Variants in NRN1 observed in about 807,000 individuals in gnomAD.
NRN1 encodes neuritin.
A neutral mutation model predicts 15.0 loss-of-function variants in NRN1; 4 were observed. The observed-to-expected ratio is 0.27, with a 90% CI of 0.13 to 0.61. The LOEUF (loss-of-function observed/expected upper bound fraction) is 0.61. Ranked by LOEUF, NRN1 falls within the 20% of genes least tolerant of loss-of-function variation. The pLI, the probability that NRN1 is intolerant of heterozygous loss-of-function variation, is 0.87. For missense variants in NRN1, 134 were observed against 181.9 expected (o/e 0.74, Z 1.51); for synonymous variants, 85 against 79.8 (o/e 1.07, Z -0.35).
In NRN1 at chr6:6,006,684, C is replaced by A. The variant is rs748880067; in HGVS notation, c.55+11G>T. On this transcript the variant is annotated intron_variant, in intron 1 of 2. Coordinates refer to ENST00000244766, the MANE Select transcript of NRN1 (RefSeq NM_016588.3). ...GCCTCCAGCCTCCAGCCGGGCTGAG[C>A]GGCCACTTACCTATTTGCACCGCGA... 8.1e-6 allele frequency: 13 copies of A among 1,613,322 alleles called. No homozygotes were observed. Among genetic ancestry groups the A allele is most frequent in the South Asian group, 3.3e-5 (3 of 91,060 alleles).
rs55712329 is a variant in NRN1 at position 6,000,722 on chromosome 6, C to CTTTTTTT, written c.201-1525_201-1519dup. ...CCTGCTAAAGGATGCCTAAATTGCT[C>CTTTTTTT]TTTTTTTTTTTTTTTTTTTTTTTTT... On this transcript the variant is annotated intron_variant, in intron 2 of 2. Transcript: ENST00000244766. Among the ~76,000 whole-genome samples, 427 of 60,836 alleles carry CTTTTTTT rather than the reference C, an allele frequency of 7.0e-3. 82 individuals are homozygous for CTTTTTTT. The highest frequency in any genetic ancestry group is 0.027 in the African/African-American group (397 of 14,950). The allele number at this position is 60,836 out of a possible 152,430, so 39.9% of individuals were successfully genotyped here. A position where few individuals can be genotyped will look rare whatever the true frequency, so the allele number is the denominator to read the frequency against.
intron 1 of NRN1, among the ~76,000 whole-genome samples, chr6:6,006,167 G>T (rs1222717838): frequency 6.6e-6 from 1 of 152,156 alleles, no homozygotes; most frequent in Non-Finnish European, 1.5e-5. Flanking sequence ...CGGGTCTGCG[G>T]TGCCCGTGCA....
In NRN1 at chr6:6,006,783, C is replaced by A; in HGVS notation, c.-34G>T. ...TAGTCAAACCATTTGCGACCGCAGA[C>A]CTTTAAATAGTTAGTTTAGAGAACG... On this transcript the variant is annotated 5_prime_UTR_variant, in exon 1 of 3. Coordinates refer to ENST00000244766, the MANE Select transcript of NRN1 (RefSeq NM_016588.3). 1.2e-6 allele frequency: 2 copies of A among 1,608,464 alleles called. No homozygotes were observed. Among genetic ancestry groups the A allele is most frequent in the Non-Finnish European group, 8.5e-7 (1 of 1,174,870 alleles).
At chr6:6,003,534 G>A (rs184761461) in intron 1 of NRN1, among the ~76,000 whole-genome samples, 1 of 152,220 alleles carries the variant, frequency 6.6e-6, no homozygotes, top group South Asian at 2.1e-4. Context: ...GGGGCTCCTG[G>A]CCCCAGCTCA....
At chr6:5,999,419 G>A (rs573194404) in intron 2 of NRN1, among the ~76,000 whole-genome samples, 3 of 152,248 alleles carry the variant, frequency 2.0e-5, no homozygotes, top group Admixed American at 6.5e-5. Flanking sequence ...TAAAGCGGGG[G>A]TGGGGGGGCG....
At chr6:6,006,324 T>C (rs1758108338) in intron 1 of NRN1, among the ~76,000 whole-genome samples, 1 of 152,214 alleles carries the variant, frequency 6.6e-6, no homozygotes, top group Non-Finnish European at 1.5e-5. Flanking sequence ...TGCATTCACA[T>C]TTCGACTCTT....
Position 5,999,035 on chromosome 6 carries a change from C to G in NRN1, c.370G>C (p.Ala124Pro), listed in dbSNP as rs138983902. 7 of 1,613,770 alleles carry G rather than the reference C, an allele frequency of 4.3e-6. No homozygotes were observed. In the South Asian group the frequency reaches 7.7e-5, roughly 18 times the overall value. Residue 124 changes from alanine (A) to proline (P), a missense_variant, in exon 3 of 3, where the codon GCG becomes CCG. Ala to Pro is a conservative substitution (Grantham distance 27). Coordinates refer to ENST00000244766, the MANE Select transcript of NRN1 (RefSeq NM_016588.3). ...AGAGACACCAGGAGCACCGGGAACG[C>G]CGGGAGCAGGGACCCCGCCGCCCCG... ...GNGAAGSLLP[A>P]FPVLLVSLSA...
chr6:6,006,714 C>A lies in NRN1; in HGVS notation c.36G>T (p.Leu12=), dbSNP rs769925839. The A allele has an allele frequency of 3.7e-6, 6 of 1,614,012 alleles. No individual in the cohort carries two copies. The highest frequency in any genetic ancestry group is 5.1e-6 in the Non-Finnish European group (6 of 1,179,984). Residue 12 remains leucine (L), a synonymous_variant, in exon 1 of 3, where the codon CTG becomes CTT. Transcript: ENST00000244766. The part of the protein sequence containing the change: ...GLKLNGRYIS[L]ILAVQIAYLV... Reference sequence around the variant, plus strand: ...ACTTACCTATTTGCACCGCGAGGATCAGTGAAATATATCTGCCGTTCAACT... The same window carrying A: ...ACTTACCTATTTGCACCGCGAGGATAAGTGAAATATATCTGCCGTTCAACT...
Position 5,998,918 on chromosome 6 carries a change from G to T in NRN1, c.*58C>A. 6 of 1,269,342 alleles carry T rather than the reference G, an allele frequency of 4.7e-6. No homozygotes were observed. Among genetic ancestry groups the T allele is most frequent in the South Asian group, 1.3e-5 (1 of 79,660 alleles). The allele number at this position is 1,269,342 out of a possible 1,614,324, so 78.6% of individuals were successfully genotyped here. A position where few individuals can be genotyped will look rare whatever the true frequency, so the allele number is the denominator to read the frequency against. The stretch of plus-strand genomic sequence containing the variant: ...CAAAGAACTAATGGATCTTCCTCTC[G>T]ATTTCCGGGAGCATGGAGTGAGTGT... On this transcript the variant is annotated 3_prime_UTR_variant, in exon 3 of 3. Coordinates refer to ENST00000244766, the MANE Select transcript of NRN1 (RefSeq NM_016588.3).
intron 2 of NRN1, among the ~76,000 whole-genome samples, chr6:5,999,616 T>C (rs1169787226): frequency 1.3e-5 from 2 of 152,220 alleles, no homozygotes; most frequent in Admixed American, 1.3e-4. Flanking sequence ...CCTCTTAGCT[T>C]GCAAGATGGG....
chr6:6,007,027 G>T (rs544802356), upstream of NRN1: 1 of 462,720 alleles, frequency 2.2e-6, no homozygotes, highest in African/African-American at 2.0e-5. Flanking sequence ...ACAGCCTCAC[G>T]CCCACGAGCA....
chr6:6,002,983 G>A (rs1758000816), intron 1 of NRN1: 1 of 404,324 alleles, frequency 2.5e-6, no homozygotes, highest in Non-Finnish European at 4.3e-6. Flanking sequence ...ACGGGGTGGG[G>A]AGACGACAGG....
At chr6:6,002,875 C>G (rs1302818021) in intron 1 of NRN1, 1 of 383,796 alleles carries the variant, frequency 2.6e-6, no homozygotes, top group East Asian at 4.1e-5. Context: ...CCTTCGTCTC[C>G]CAACACTTCC....
chr6:6,003,777 T>TA, intron 1 of NRN1: 1 of 1,234,182 alleles, frequency 8.1e-7, no homozygotes, highest in Non-Finnish European at 1.0e-6. Context: ...GCTGAGTGCC[T>TA]AGCGGCCCAA....
rs369644237 is a variant in NRN1 at position 6,003,882 on chromosome 6, C to A, written c.56-1385G>T. The A allele has an allele frequency of 1.8e-5, 22 of 1,230,854 alleles. No individual in the cohort carries two copies. In the South Asian group the frequency reaches 8.0e-4, roughly 45 times the overall value. The allele number at this position is 1,230,854 out of a possible 1,614,324, so 76.2% of individuals were successfully genotyped here. ...GAATCGAAATCCGCACTGGCGCCCA[C>A]GACCCTGGGCGCCGGCCTGGTCCTC... On this transcript the variant is annotated intron_variant, in intron 1 of 2. Transcript: ENST00000244766.
intron 2 of NRN1, among the ~76,000 whole-genome samples, chr6:5,999,622 A>T (rs1757880620): frequency 6.6e-6 from 1 of 152,144 alleles, no homozygotes; most frequent in South Asian, 2.1e-4. Flanking sequence ...AGCTTGCAAG[A>T]TGGGTTACTA....
At chr6:6,006,550 A>G (rs149742945) in intron 1 of NRN1, 145 bp downstream of exon 1, 13,901 of 716,024 alleles carry the variant, frequency 0.019, 172 homozygotes, top group Non-Finnish European at 0.024. Context: ...GCTAGTCCCC[A>G]GGAACTGATG....
intron 1 of NRN1, chr6:6,003,624 A>C (rs1758027302): frequency 6.3e-6 from 6 of 950,740 alleles, no homozygotes; most frequent in Non-Finnish European, 8.2e-6. Flanking sequence ...AGGCCGCACG[A>C]AGGTCCAAGC....
Position 6,002,270 on chromosome 6 carries a change from A to G in NRN1, c.200+83T>C, listed in dbSNP as rs1310538750. 3 of 1,524,782 alleles carry G rather than the reference A, an allele frequency of 2.0e-6. No homozygotes were observed. The Admixed American group carries it at 5.2e-5, about 27-fold the overall frequency. The allele number at this position is 1,524,782 out of a possible 1,614,324, so 94.5% of individuals were successfully genotyped here. A position where few individuals can be genotyped will look rare whatever the true frequency, so the allele number is the denominator to read the frequency against. On this transcript the variant is annotated intron_variant, in intron 2 of 2. Transcript: ENST00000244766. ...GGATTCGCGCTGGCGCTGAACGCTG[A>G]GCGCAGGCGGGGAGGCTCGGCACTC... is the stretch of plus-strand genomic sequence containing the variant.
Sources: gnomAD v4.1 joint callset for allele counts (sites outside exome capture counted in the v4.1 genomes callset) on GRCh38, gnomAD v4.1.1 for gene constraint, MANE v1.5 for transcripts, NCBI Gene and HGNC (gene_info 2026-07-23, HGNC 2026-07-21) for gene names.